The following XPA variants were observed in gnomAD, a reference collection of about 807,000 sequenced individuals.
XPA encodes the protein XPA, DNA damage recognition and repair factor.
Under a neutral mutation model 35.7 loss-of-function variants are expected in XPA, and 27 were observed. The observed-to-expected ratio is 0.76, with a 90% CI of 0.56 to 1.04. The LOEUF (loss-of-function observed/expected upper bound fraction) is 1.04. XPA is among the 50% of genes least tolerant of loss of function. XPA has a pLI of 0.00. For synonymous variants in XPA, 133 were observed against 118.4 expected, an observed-to-expected ratio of 1.12 and a Z score of -0.80; for missense variants, 354 against 342.7, an observed-to-expected ratio of 1.03 and a Z score of -0.26.
At chr9:97,666,784 G>T in the XPA span, 1 of 1,602,956 alleles carries the variant, frequency 6.2e-7, no homozygotes, top group Non-Finnish European at 8.5e-7. Flanking sequence ...GGGAAATTTT[G>T]CACTCTACAA....
the XPA span, among the ~76,000 whole-genome samples, chr9:97,662,612 ATC>A: frequency 2.0e-5 from 3 of 152,170 alleles, no homozygotes; most frequent in African/African-American, 7.2e-5. Context: ...ATCTCACCCC[ATC>A]TCTGTCTCCA....
intron 2 of XPA, among the ~76,000 whole-genome samples, chr9:97,693,212 T>C (rs1828944303): frequency 6.6e-6 from 1 of 152,208 alleles, no homozygotes; most frequent in Admixed American, 6.5e-5. Flanking sequence ...TAACCTTAGA[T>C]CATAGTTACA....
chr9:97,689,037 A>C (rs936505247), intron 3 of XPA, among the ~76,000 whole-genome samples: 16 of 151,888 alleles, frequency 1.1e-4, no homozygotes, highest in Admixed American at 1.0e-3. Flanking sequence ...AAAGTCTAGA[A>C]GAAGAAAAAG....
intron 5 of XPA, among the ~76,000 whole-genome samples, chr9:97,679,550 T>TAA (rs60116923): frequency 2.0e-5 from 3 of 151,366 alleles, no homozygotes; most frequent in African/African-American, 7.3e-5. Flanking sequence ...AGCTGATGCT[T>TAA]AAAAAAAAAT....
At chr9:97,655,315 A>G in the XPA span, among the ~76,000 whole-genome samples, 1 of 152,172 alleles carries the variant, frequency 6.6e-6, no homozygotes, top group South Asian at 2.1e-4. Flanking sequence ...GGCTCAAGCA[A>G]TCCTCCTGCC....
chr9:97,673,999 T>A (rs901759936), downstream of XPA, among the ~76,000 whole-genome samples: 3 of 152,148 alleles, frequency 2.0e-5, no homozygotes, highest in Non-Finnish European at 2.9e-5. Flanking sequence ...AGGTTCACCC[T>A]ATTAACTACT....
At chr9:97,673,766 T>G (rs1440064656), downstream of XPA, 4 of 152,184 alleles carry the variant, frequency 2.6e-5, no homozygotes, top group African/African-American at 7.2e-5. Context: ...TTTTCCTAAT[T>G]TATAACTGTA....
the XPA span, among the ~76,000 whole-genome samples, chr9:97,659,196 G>C: frequency 1.3e-5 from 2 of 152,182 alleles, no homozygotes; most frequent in Non-Finnish European, 2.9e-5. Flanking sequence ...CATAAATCAG[G>C]GAGTGTAATT....
chr9:97,679,527 A>C lies in XPA; in HGVS notation c.674-3940T>G, dbSNP rs771322537. 7.9e-5 allele frequency among the ~76,000 whole-genome samples: 12 copies of C among 151,764 alleles called. No individual in the cohort carries two copies. In the South Asian group the frequency reaches 8.3e-4, roughly 10 times the overall value. On this transcript the variant is annotated intron_variant, in intron 5 of 5. Transcript: ENST00000375128. ...TATAATACATTGACTTCAGAATAAG[A>C]AACAATCAGTCCAGCTGATGCTTAA...
chr9:97,694,242 T>TTGTG (rs149745848), intron 1 of XPA, among the ~76,000 whole-genome samples: 197 of 151,854 alleles, frequency 1.3e-3, no homozygotes, highest in African/African-American at 4.4e-3. Context: ...GTGGGGTGCG[T>TTGTG]TGTGTGTGTG....
chr9:97,682,372 TAC>T (rs572004133), intron 5 of XPA: 112 of 518,964 alleles, frequency 2.2e-4, no homozygotes, highest in African/African-American at 2.0e-3. Context: ...GTCTAATCTC[TAC>T]AGTGTCTACT....
rs1374749593 is a variant in XPA, at chr9:97,675,605, A to T, written c.674-18T>A. The T allele has an allele frequency of 6.2e-7, 1 of 1,613,750 alleles. No homozygotes were observed. The highest frequency in any genetic ancestry group is 1.3e-5 in the African/African-American group (1 of 74,892). ...CCGCAATTCTGAAAAAAAAATTTTA[A>T]AGTCATCTTTTCAGTGGTGCTATTC... On this transcript the variant is annotated intron_variant, in intron 5 of 5. Coordinates refer to ENST00000375128, the MANE Select transcript of XPA (RefSeq NM_000380.4).
chr9:97,662,929 AT>A, the XPA span: 480 of 1,537,690 alleles, frequency 3.1e-4, 1 homozygote, highest in Admixed American at 4.9e-4. Context: ...TATATATGGT[AT>A]TTTTTTCCCA....
chr9:97,696,362 C>T (rs1201154964), intron 1 of XPA, among the ~76,000 whole-genome samples: 2 of 152,182 alleles, frequency 1.3e-5, no homozygotes, highest in African/African-American at 4.8e-5. Flanking sequence ...GTGGCAAATT[C>T]TATAAGAGAA....
intron 1 of XPA, among the ~76,000 whole-genome samples, chr9:97,696,242 A>G (rs1294696135): frequency 2.0e-5 from 3 of 152,260 alleles, no homozygotes; most frequent in Non-Finnish European, 4.4e-5. Flanking sequence ...AAAGGGCAGT[A>G]TAGAGCTTTA....
downstream of XPA, chr9:97,672,508 T>G (rs1828222123): frequency 6.6e-6 from 1 of 152,210 alleles, no homozygotes; most frequent in Admixed American, 6.5e-5. Context: ...GCGTGGCTGG[T>G]TAGTAAAGGA....
intron 2 of XPA, among the ~76,000 whole-genome samples, chr9:97,690,035 T>TG (rs1035256726): frequency 2.0e-5 from 3 of 152,182 alleles, no homozygotes; most frequent in African/African-American, 7.2e-5. Context: ...TGTTCCTTTC[T>TG]GGAGGCTCTA....
At chr9:97,674,880 TAG>T (rs1564035139), downstream of XPA, 1 of 470,844 alleles carries the variant, frequency 2.1e-6, no homozygotes, top group East Asian at 4.5e-5. Flanking sequence ...AGTCCCACAA[TAG>T]AGGCCCCAAG....
At chr9:97,655,035 T>A in the XPA span, 2 of 1,158,982 alleles carry the variant, frequency 1.7e-6, no homozygotes, top group Non-Finnish European at 2.4e-6. Context: ...TTTAAGAATT[T>A]CCATGTTTAG....
Sources: allele counts gnomAD v4.1 joint callset (sites outside exome capture counted in the v4.1 genomes callset), GRCh38; gene constraint gnomAD v4.1.1; transcripts MANE v1.5; gene names NCBI Gene and HGNC (gene_info 2026-07-23, HGNC 2026-07-21).